Variants in RAB11FIP3 observed in about 807,000 individuals in gnomAD.
The protein encoded by RAB11FIP3 is rab11 family-interacting protein 3.
Under a neutral mutation model 77.8 loss-of-function variants are expected in RAB11FIP3, and 17 were observed. That is an observed-to-expected ratio of 0.22 (90% CI 0.15 to 0.33). The LOEUF (loss-of-function observed/expected upper bound fraction) is 0.33, where lower values mean the gene tolerates loss of function less well. RAB11FIP3 is among the 10% of genes least tolerant of loss of function. RAB11FIP3 has a pLI of 1.00. For synonymous variants in RAB11FIP3, 437 were observed against 448.2 expected (o/e 0.98, Z 0.31); for missense variants, 1,005 against 1,011.2 (o/e 0.99, Z 0.08).
chr16:445,980 G>A (rs1424790382), intron 1 of RAB11FIP3, among the ~76,000 whole-genome samples: 2 of 152,074 alleles, frequency 1.3e-5, no homozygotes, highest in Non-Finnish European at 2.9e-5. Context: ...GGTGGGGCTG[G>A]AAAGTGTTCT....
intron 6 of RAB11FIP3, among the ~76,000 whole-genome samples, chr16:500,237 G>A (rs1274464891): frequency 2.0e-5 from 3 of 152,238 alleles, no homozygotes; most frequent in Admixed American, 6.5e-5. Context: ...GGAGGCCTCA[G>A]GGATCCCCGT....
At position 453,412 on chromosome 16, in the gene RAB11FIP3, G is replaced by C. The variant is rs531627298; in HGVS notation, c.715-7992G>C. On this transcript the variant is annotated intron_variant, in intron 1 of 13. Coordinates refer to ENST00000262305, the MANE Select transcript of RAB11FIP3 (RefSeq NM_014700.4). The stretch of plus-strand genomic sequence containing the variant: ...TTCTGATGGATAAAAGTGGATTCCT[G>C]AATATGTGATATGCCTCTCTGGGGA... 6 of 152,156 alleles carry C rather than the reference G, an allele frequency of 3.9e-5. No individual in the cohort carries two copies. The East Asian group carries it at 1.2e-3, about 29-fold the overall frequency. 9.4% of individuals were successfully genotyped at this position (152,156 alleles called of 1,614,324 possible).
At position 506,540 on chromosome 16, in the gene RAB11FIP3, C is replaced by A. The variant is rs1250517331; in HGVS notation, c.1499+913C>A. Reference sequence around the variant, plus strand: ...CTTCAGTGTCTTCATCACCACTGAGCAGGTAGATTCAGGGCTCTGAGCAGC... The same window carrying A: ...CTTCAGTGTCTTCATCACCACTGAGAAGGTAGATTCAGGGCTCTGAGCAGC... On this transcript the variant is annotated intron_variant, in intron 8 of 13. Transcript: ENST00000262305. This position sits in a 1 kb window ranked among gnomAD's most constrained non-coding sequence, Gnocchi z 4.5. 4.6e-5 allele frequency among the ~76,000 whole-genome samples: 7 copies of A among 152,202 alleles called. No individual in the cohort carries two copies. Among genetic ancestry groups the A allele is most frequent in the Non-Finnish European group, 7.3e-5 (5 of 68,036 alleles).
intron 5 of RAB11FIP3, among the ~76,000 whole-genome samples, chr16:495,131 C>G (rs893461114): frequency 6.6e-6 from 1 of 152,148 alleles, no homozygotes; most frequent in African/African-American, 2.4e-5. Flanking sequence ...TGCAAACAAA[C>G]AAACAAAAAA....
At chr16:457,004 A>G (rs1168232281) in intron 1 of RAB11FIP3, among the ~76,000 whole-genome samples, 1 of 151,968 alleles carries the variant, frequency 6.6e-6, no homozygotes, top group Non-Finnish European at 1.5e-5. Context: ...TCTAGTGTGA[A>G]GTTTACAGAT....
chr16:467,876 A>G (rs111164649), intron 2 of RAB11FIP3, among the ~76,000 whole-genome samples: 245 of 9,358 alleles, frequency 0.026, no homozygotes, highest in Admixed American at 0.062. Context: ...AGGTGCTGGG[A>G]CGTCAGGGAG....
At chr16:483,964 G>A (rs2056099391) in intron 4 of RAB11FIP3, among the ~76,000 whole-genome samples, 2 of 152,102 alleles carry the variant, frequency 1.3e-5, no homozygotes, top group South Asian at 4.1e-4. Flanking sequence ...TAGGGTTGAT[G>A]TCTTCTGTCT....
Position 505,579 on chromosome 16 carries a change from G to A in RAB11FIP3, c.1451G>A (p.Gly484Asp), listed in dbSNP as rs914065627. The part of the protein sequence containing the change: ...LELEKDTAAT[G>D]EQHSRLRQEN... ...CTGGAAAAGGACACGGCAGCCACCG[G>A]TGAGCAACACAGCCGCCTGAGGCAG... Residue 484 changes from glycine to aspartate, a missense_variant, in exon 8 of 14, where the codon GGT becomes GAT. This residue lies in a region of RAB11FIP3 where 433 missense variants were observed against 436.1 expected (regional missense o/e 0.99). Transcript: ENST00000262305. This position sits in a 1 kb window ranked among gnomAD's most constrained non-coding sequence, Gnocchi z 4.0. 2 of 1,606,640 alleles carry A rather than the reference G, an allele frequency of 1.2e-6. No individual in the cohort carries two copies. Among genetic ancestry groups the A allele is most frequent in the Non-Finnish European group, 1.7e-6 (2 of 1,179,710 alleles).
intron 1 of RAB11FIP3, among the ~76,000 whole-genome samples, chr16:448,931 A>C (rs2055362922): frequency 6.6e-6 from 1 of 152,124 alleles, no homozygotes; most frequent in Non-Finnish European, 1.5e-5. Flanking sequence ...AAATTGAATA[A>C]CATAAATAAG....
chr16:461,305 C>A lies in RAB11FIP3; in HGVS notation c.715-99C>A. ...ACCTCCTGCTGTGCTTCCCCGTTCC[C>A]AGCAGGCCACACACCAGATCTCTCC... On this transcript the variant is annotated intron_variant, in intron 1 of 13. Coordinates refer to ENST00000262305, the MANE Select transcript of RAB11FIP3 (RefSeq NM_014700.4). This position sits in a 1 kb window ranked among gnomAD's most constrained non-coding sequence, Gnocchi z 4.5. The A allele has an allele frequency of 3.5e-6, 3 of 858,832 alleles. No individual in the cohort carries two copies. The South Asian group carries it at 5.3e-5, about 15-fold the overall frequency. The allele number at this position is 858,832 out of a possible 1,614,324, so 53.2% of individuals were successfully genotyped here. A position where few individuals can be genotyped will look rare whatever the true frequency, so the allele number is the denominator to read the frequency against.
chr16:448,701 A>G (rs2055357553), intron 1 of RAB11FIP3, among the ~76,000 whole-genome samples: 1 of 143,976 alleles, frequency 6.9e-6, no homozygotes, highest in South Asian at 2.2e-4. Context: ...GTGCCACTGC[A>G]CTCCAGCCTG....
intron 1 of RAB11FIP3, among the ~76,000 whole-genome samples, chr16:449,733 C>T (rs1240007888): frequency 6.6e-6 from 1 of 151,706 alleles, no homozygotes; most frequent in Non-Finnish European, 1.5e-5. Context: ...GGGTGGATCA[C>T]TTGAGGTCAG....
intron 9 of RAB11FIP3, among the ~76,000 whole-genome samples, chr16:515,078 G>A (rs990368334): frequency 1.3e-5 from 2 of 152,198 alleles, no homozygotes; most frequent in African/African-American, 4.8e-5. Context: ...AGAGCCGAGT[G>A]TGTCTGATGG....
chr16:439,470 A>G (rs1198275226), intron 1 of RAB11FIP3: 1 of 152,242 alleles, frequency 6.6e-6, no homozygotes, highest in Non-Finnish European at 1.5e-5. Context: ...ATAAGTTTCA[A>G]AACAGGGCTC....
chr16:494,388 T>G (rs2030910578), intron 5 of RAB11FIP3, among the ~76,000 whole-genome samples: 1 of 151,580 alleles, frequency 6.6e-6, no homozygotes, highest in Non-Finnish European at 1.5e-5. Flanking sequence ...TTTGCGAGGC[T>G]GAGGTGGGCA....
intron 2 of RAB11FIP3, among the ~76,000 whole-genome samples, chr16:465,446 T>TGAAGATGGCGATGTAACC (rs1242076904): frequency 3.3e-5 from 5 of 152,146 alleles, no homozygotes; most frequent in Non-Finnish European, 7.4e-5. Context: ...TTGATGTAAC[T>TGAAGATGGCGATGTAACC]GAAGATGGCG....
chr16:456,150 G>A (rs2055499553), intron 1 of RAB11FIP3, among the ~76,000 whole-genome samples: 2 of 152,034 alleles, frequency 1.3e-5, no homozygotes, highest in South Asian at 2.1e-4. Context: ...TGGCCAACAT[G>A]GTGAAACCCC....
chr16:459,728 A>T (rs1466373433), intron 1 of RAB11FIP3, among the ~76,000 whole-genome samples: 1 of 152,024 alleles, frequency 6.6e-6, no homozygotes, highest in Non-Finnish European at 1.5e-5. Context: ...GCCACAAGGC[A>T]CCTGGCTGCA....
chr16:492,360 T>TCCAGGGC, intron 5 of RAB11FIP3, among the ~76,000 whole-genome samples: 3 of 25,634 alleles, frequency 1.2e-4, no homozygotes, highest in African/African-American at 6.6e-4. Flanking sequence ...TTGAAGAGGG[T>TCCAGGGC]CTTCCCGGGA....
Sources: gnomAD v4.1 joint callset for allele counts (sites outside exome capture counted in the v4.1 genomes callset) on GRCh38, gnomAD v4.1.1 for gene constraint, gnomAD v4.1.1 regional missense constraint, Gnocchi (gnomAD v3.1) non-coding constraint, MANE v1.5 for transcripts, NCBI Gene and HGNC (gene_info 2026-07-23, HGNC 2026-07-21) for gene names.